The following SLCO2A1 variants were observed in gnomAD, a reference collection of about 807,000 sequenced individuals.
SLCO2A1 encodes the protein solute carrier organic anion transporter family member 2A1.
SLCO2A1 carries 60 observed loss-of-function variants against 71.7 expected under a neutral mutation model. That is an observed-to-expected ratio of 0.84 (90% CI 0.68 to 1.04). SLCO2A1 has a LOEUF of 1.04. Among genes scored for constraint, SLCO2A1 ranks in the 50% least tolerant of loss-of-function variants. The pLI is 0.00. For synonymous variants in SLCO2A1, 308 were observed against 326.7 expected (o/e 0.94, Z 0.62); for missense variants, 745 against 813.4 (o/e 0.92, Z 1.02).
intron 10 of SLCO2A1, among the ~76,000 whole-genome samples, chr3:133,943,821 C>A (rs142109922): frequency 2.0e-5 from 3 of 152,238 alleles, no homozygotes; most frequent in Admixed American, 1.3e-4. Flanking sequence ...CACGCTCCTT[C>A]GCCCGCAGAG....
chr3:134,020,158 T>A (rs1222411778), intron 1 of SLCO2A1, among the ~76,000 whole-genome samples: 1 of 152,094 alleles, frequency 6.6e-6, no homozygotes, highest in African/African-American at 2.4e-5. Context: ...GCTCAATGGA[T>A]CATGACCCGC....
chr3:133,944,068 T>C (rs1168074003), intron 10 of SLCO2A1, among the ~76,000 whole-genome samples: 1 of 152,226 alleles, frequency 6.6e-6, no homozygotes, highest in African/African-American at 2.4e-5. Context: ...GCCCGGCCTT[T>C]TCTCTTCTTT....
chr3:134,026,312 C>T lies in SLCO2A1; in HGVS notation c.96+3395G>A, dbSNP rs149781887. 7.0e-3 allele frequency among the ~76,000 whole-genome samples: 1,064 copies of T among 151,708 alleles called. 13 individuals are homozygous for T. The highest frequency in any genetic ancestry group is 0.023 in the African/African-American group (960 of 41,294). ...AAGTTGCAAACCGTGTGGACCCACC[C>T]GGAGTCCCACCGGGACTAGACAGCC... On this transcript the variant is annotated intron_variant, in intron 1 of 13. Transcript: ENST00000310926.
At chr3:133,958,535 G>GGCAT (rs1933948765) in intron 3 of SLCO2A1, among the ~76,000 whole-genome samples, 1 of 152,210 alleles carries the variant, frequency 6.6e-6, no homozygotes, top group Non-Finnish European at 1.5e-5. Flanking sequence ...GGACCAAATA[G>GGCAT]GCATGTAGGG....
rs185057404 is a variant in SLCO2A1, at chr3:134,020,790, T to C, written c.96+8917A>G. ...TGGCCTGATCACGCATGGTGTGCCT[T>C]TATCGGCACTTTGGTTTTGGTTTTG... On this transcript the variant is annotated intron_variant, in intron 1 of 13. Transcript: ENST00000310926. Among the ~76,000 whole-genome samples, 1,162 of 150,344 alleles carry C rather than the reference T, an allele frequency of 7.7e-3. 17 individuals carry two copies. The highest frequency in any genetic ancestry group is 0.027 in the African/African-American group (1,105 of 40,702).
chr3:133,949,092 C>CTGGGTGGAG, intron 6 of SLCO2A1, 121 bp from the exon 7 acceptor site: 1 of 779,046 alleles, frequency 1.3e-6, no homozygotes, highest in South Asian at 1.5e-5. Context: ...CCCCTCCAGG[C>CTGGGTGGAG]GTGTGTGCAT....
At chr3:133,973,635 C>T (rs759841064) in intron 3 of SLCO2A1, 28 bp downstream of exon 3, 1 of 1,611,792 alleles carries the variant, frequency 6.2e-7, no homozygotes, top group Non-Finnish European at 8.5e-7. Flanking sequence ...TTCCTTACCC[C>T]TTGAGGCAGG....
intron 8 of SLCO2A1, 96 bp downstream of exon 8, chr3:133,948,440 C>T (rs761624747): frequency 1.7e-5 from 22 of 1,295,452 alleles, no homozygotes; most frequent in Admixed American, 2.2e-5. Context: ...TGCCTATGTC[C>T]GGTCTGGCCT....
At chr3:134,019,589 A>G (rs376181872) in intron 1 of SLCO2A1, among the ~76,000 whole-genome samples, 2 of 152,170 alleles carry the variant, frequency 1.3e-5, no homozygotes, top group Non-Finnish European at 2.9e-5. Flanking sequence ...CTCATTCCAC[A>G]TAATCCTTTT....
At chr3:133,942,796 G>A (rs1559929320) in intron 10 of SLCO2A1, 28 bp from the exon 11 acceptor site, 1 of 1,576,694 alleles carries the variant, frequency 6.3e-7, no homozygotes, top group Non-Finnish European at 8.6e-7. Flanking sequence ...GGGAAAAAGG[G>A]GGAAATTTGT....
In SLCO2A1 at chr3:133,948,559, G is replaced by A. The variant is rs1338069069; in HGVS notation, c.1082C>T (p.Ala361Val). The A allele has an allele frequency of 6.2e-7, 1 of 1,614,090 alleles. No individual in the cohort carries two copies. The highest frequency in any genetic ancestry group is 1.7e-5 in the Admixed American group (1 of 60,008). ...ACCAATGAGGAAGTTGGCATAGGCT[G>A]CTGAGGTGCCATACTGCTTCTCCAG... is the stretch of plus-strand genomic sequence containing the variant. The part of the protein sequence containing the change: ...KFLEKQYGTS[A>V]AYANFLIGAV... The change falls in exon 8 of 14, where the codon GCA (alanine) becomes GTA (valine). Residue 361 changes from alanine (A) to valine (V), a missense_variant. Coordinates refer to ENST00000310926, the MANE Select transcript of SLCO2A1 (RefSeq NM_005630.3).
At chr3:133,981,446 C>T (rs1394953747) in intron 1 of SLCO2A1, among the ~76,000 whole-genome samples, 7 of 152,186 alleles carry the variant, frequency 4.6e-5, no homozygotes, top group Non-Finnish European at 4.4e-5. Context: ...TGGTTCATAA[C>T]TCAGCTTTGA....
chr3:133,968,063 C>G (rs1273732295), intron 3 of SLCO2A1, among the ~76,000 whole-genome samples: 2 of 140,350 alleles, frequency 1.4e-5, no homozygotes, highest in Non-Finnish European at 3.1e-5. Flanking sequence ...ACCACCTCTT[C>G]CCTCACACCT....
intron 1 of SLCO2A1, among the ~76,000 whole-genome samples, chr3:134,002,708 T>C (rs1935129306): frequency 6.6e-6 from 1 of 152,206 alleles, no homozygotes; most frequent in Non-Finnish European, 1.5e-5. Context: ...CCCAAGAATT[T>C]GCATTTATAA....
At chr3:133,966,679 G>A (rs1046725482) in intron 3 of SLCO2A1, among the ~76,000 whole-genome samples, 3 of 152,194 alleles carry the variant, frequency 2.0e-5, no homozygotes, top group African/African-American at 7.2e-5. Flanking sequence ...AAGTCCTTTT[G>A]TTCCTGAAAG....
intron 1 of SLCO2A1, among the ~76,000 whole-genome samples, chr3:134,010,549 C>T (rs1049265041): frequency 3.3e-5 from 5 of 152,116 alleles, no homozygotes; most frequent in Non-Finnish European, 7.4e-5. Flanking sequence ...GTCAGGACTT[C>T]AAGACCAGCC....
At chr3:134,006,964 T>C (rs1234945311) in intron 1 of SLCO2A1, among the ~76,000 whole-genome samples, 1 of 152,238 alleles carries the variant, frequency 6.6e-6, no homozygotes, top group Admixed American at 6.5e-5. Flanking sequence ...TTCCAATTTC[T>C]CTCCATCCTC....
chr3:133,990,089 C>T (rs928404621), intron 1 of SLCO2A1, among the ~76,000 whole-genome samples: 4 of 152,242 alleles, frequency 2.6e-5, no homozygotes, highest in South Asian at 4.1e-4. Context: ...CTGCCACGTT[C>T]GCCAATTCTA....
intron 1 of SLCO2A1, among the ~76,000 whole-genome samples, chr3:133,994,401 G>T (rs972414944): frequency 3.3e-5 from 5 of 152,190 alleles, no homozygotes; most frequent in Admixed American, 2.0e-4. Flanking sequence ...TACCAAGACT[G>T]CCAGTTACCT....
Sources: allele counts gnomAD v4.1 joint callset (sites outside exome capture counted in the v4.1 genomes callset), GRCh38; gene constraint gnomAD v4.1.1; transcripts MANE v1.5; gene names NCBI Gene and HGNC (gene_info 2026-07-23, HGNC 2026-07-21).